Variants in ADGRG2 observed in about 807,000 individuals in gnomAD.
The protein encoded by ADGRG2 is G protein-coupled receptor 64.
A neutral mutation model predicts 74.1 loss-of-function variants in ADGRG2; 26 were observed. That is an observed-to-expected ratio of 0.35 (90% CI 0.26 to 0.49). ADGRG2 has a LOEUF of 0.49. Among genes scored for constraint, ADGRG2 ranks in the 20% least tolerant of loss-of-function variants. The pLI, the probability that ADGRG2 is intolerant of heterozygous loss-of-function variation, is 0.99. For missense variants in ADGRG2, 619 were observed against 763.1 expected (o/e 0.81, Z 2.22); for synonymous variants, 296 against 295.2 (o/e 1.00, Z -0.03).
chrX:19,028,872 T>C (rs1219508500), intron 9 of ADGRG2, among the ~76,000 whole-genome samples: 2 of 111,888 alleles, frequency 1.8e-5, no homozygotes, highest in Non-Finnish European at 3.8e-5. Context: ...ATTGAGCAGG[T>C]AGTCAATATT....
rs1345162419 is a variant in ADGRG2 at position 19,009,616 on chromosome X, T to G, written c.1422+10A>C. The G allele has an allele frequency of 1.7e-6, 2 of 1,198,052 alleles. No individual in the cohort carries two copies. Among genetic ancestry groups the G allele is most frequent in the South Asian group, 3.5e-5 (2 of 56,682 alleles). On this transcript the variant is annotated intron_variant, in intron 18 of 28. Transcript: ENST00000379869. Reference sequence around the variant, plus strand: ...GAGAATGTTTTTTTCTGCCATCAATTATGATGTACCTGAAGATTTGCAGGG... The same window carrying G: ...GAGAATGTTTTTTTCTGCCATCAATGATGATGTACCTGAAGATTTGCAGGG...
At chrX:19,108,301 C>A (rs948191214) in intron 1 of ADGRG2, among the ~76,000 whole-genome samples, 2 of 110,496 alleles carry the variant, frequency 1.8e-5, no homozygotes, top group Non-Finnish European at 3.8e-5. Context: ...TCATCATTGT[C>A]TATGGATACA....
intron 3 of ADGRG2, among the ~76,000 whole-genome samples, chrX:19,067,125 G>A (rs1602046838): frequency 9.0e-6 from 1 of 111,707 alleles, no homozygotes; most frequent in Non-Finnish European, 1.9e-5. Context: ...AAATGACTTT[G>A]TAACTTTACT....
At chrX:19,017,209 C>T (rs1320999056) in intron 15 of ADGRG2, among the ~76,000 whole-genome samples, 1 of 111,954 alleles carries the variant, frequency 8.9e-6, no homozygotes, top group Non-Finnish European at 1.9e-5. Context: ...CCAGGCCTTA[C>T]TGGATCAGAA....
At chrX:19,099,529 G>A (rs1026473799) in intron 1 of ADGRG2, among the ~76,000 whole-genome samples, 1 of 112,052 alleles carries the variant, frequency 8.9e-6, no homozygotes, top group Admixed American at 9.5e-5. Flanking sequence ...ACTGAGGCAG[G>A]GCACAGAGAG....
Position 19,109,316 on chromosome X carries a change from A to G in ADGRG2, c.-47+13126T>C, listed in dbSNP as rs777615592. Among the ~76,000 whole-genome samples, 6 of 111,971 alleles carry G rather than the reference A, an allele frequency of 5.4e-5. No individual in the cohort carries two copies. In the East Asian group the frequency reaches 1.7e-3, roughly 31 times the overall value. ...CAAATACCCCAAAAACATGTGGTAT[A>G]TTTCTGTCAAAAAGCGAATCATCTG... is the stretch of plus-strand genomic sequence containing the variant. On this transcript the variant is annotated intron_variant, in intron 1 of 28. Transcript: ENST00000379869.
chrX:19,115,606 G>A (rs960569374), intron 1 of ADGRG2, among the ~76,000 whole-genome samples: 1 of 110,963 alleles, frequency 9.0e-6, no homozygotes, highest in African/African-American at 3.3e-5. Context: ...GGCTGTGTTT[G>A]GAGAAGTTGA....
chrX:18,995,960 G>T (rs2060010849), intron 27 of ADGRG2, 91 bp downstream of exon 27: 1 of 487,368 alleles, frequency 2.1e-6, no homozygotes, highest in African/African-American at 2.4e-5. Flanking sequence ...GGAATTCACT[G>T]ATTTCTAGAT....
chrX:19,115,464 G>C (rs1050305198), intron 1 of ADGRG2, among the ~76,000 whole-genome samples: 2 of 112,084 alleles, frequency 1.8e-5, no homozygotes, highest in African/African-American at 3.2e-5. Flanking sequence ...CCTGTGGTAA[G>C]TGGGGAGTAC....
rs750972829 is a variant in ADGRG2 at position 19,095,022 on chromosome X, T to C, written c.-46-12276A>G. On this transcript the variant is annotated intron_variant, in intron 1 of 28. Transcript: ENST00000379869. ...AACTTGACAGGTTCAACGGTTCCCA[T>C]TGACAGCCTGAATGGACTCCTCTGA... Among the ~76,000 whole-genome samples the C allele has an allele frequency of 5.4e-5, 6 of 112,050 alleles. No homozygotes were observed. The South Asian group carries it at 1.5e-3, about 28-fold the overall frequency.
Position 19,028,206 on chromosome X carries a change from C to T in ADGRG2, c.391G>A (p.Asp131Asn), listed in dbSNP as rs1189130669. Reference sequence around the variant, plus strand: ...ACCTGGGGAACAGTGCTTTCTTTATCATATTGAAACATGATCTCACCTCTA... The same window carrying T: ...ACCTGGGGAACAGTGCTTTCTTTATTATATTGAAACATGATCTCACCTCTA... ...FFRGEIMFQYDKESTVPQNQH... is the reference protein window; with the variant it reads ...FFRGEIMFQYNKESTVPQNQH... The change falls in exon 10 of 29, where the codon GAT becomes AAT. Residue 131 changes from aspartate (D) to asparagine (N), a missense_variant. Around this residue, in one of 3 missense-constraint regions of ADGRG2, gnomAD observed 292 missense variants for 318.0 expected, o/e 0.92. Transcript: ENST00000379869. The T allele has an allele frequency of 1.8e-6, 2 of 1,087,466 alleles. No individual in the cohort carries two copies. Among genetic ancestry groups the T allele is most frequent in the South Asian group, 2.0e-5 (1 of 50,663 alleles). The allele number at this position is 1,087,466 out of a possible 1,213,427, so 89.6% of individuals were successfully genotyped here. A position where few individuals can be genotyped will look rare whatever the true frequency, so the allele number is the denominator to read the frequency against.
At chrX:19,049,434 T>G (rs892456984) in intron 3 of ADGRG2, among the ~76,000 whole-genome samples, 2 of 102,430 alleles carry the variant, frequency 2.0e-5, no homozygotes, top group African/African-American at 7.5e-5. Flanking sequence ...TAAGCGTTTT[T>G]TGTGTTTTTT....
chrX:19,067,900 A>C (rs952989267), intron 3 of ADGRG2, among the ~76,000 whole-genome samples: 2 of 112,342 alleles, frequency 1.8e-5, no homozygotes, highest in Non-Finnish European at 3.8e-5. Context: ...AATATCACTA[A>C]TCATTAAGAA....
chrX:19,089,074 T>C (rs1445290768), intron 1 of ADGRG2, among the ~76,000 whole-genome samples: 2 of 112,228 alleles, frequency 1.8e-5, no homozygotes, highest in African/African-American at 3.2e-5. Flanking sequence ...CTGGAAATGA[T>C]TAAGAAGTTA....
At chrX:19,053,235 A>G (rs2061353951) in intron 3 of ADGRG2, among the ~76,000 whole-genome samples, 1 of 111,278 alleles carries the variant, frequency 9.0e-6, no homozygotes, top group African/African-American at 3.3e-5. Context: ...GCCAGAGAGT[A>G]AGCTACAGGG....
At chrX:19,064,926 T>G (rs998435906) in intron 3 of ADGRG2, among the ~76,000 whole-genome samples, 1 of 111,037 alleles carries the variant, frequency 9.0e-6, no homozygotes, top group Non-Finnish European at 1.9e-5. Context: ...TAGCCATTTG[T>G]AAGGGCTTAG....
At chrX:19,011,870 T>C (rs768093479) in intron 16 of ADGRG2, among the ~76,000 whole-genome samples, 20 of 111,623 alleles carry the variant, frequency 1.8e-4, no homozygotes, top group Non-Finnish European at 3.2e-4. Flanking sequence ...AAGAATATTA[T>C]GAAAGCTGGA....
intron 18 of ADGRG2, among the ~76,000 whole-genome samples, chrX:19,008,790 T>C (rs190702354): frequency 5.3e-4 from 59 of 112,281 alleles, no homozygotes; most frequent in African/African-American, 1.7e-3. Flanking sequence ...AGGGAGACTG[T>C]AGCAGCAGAC....
At chrX:19,079,068 A>G (rs1254704101) in intron 2 of ADGRG2, among the ~76,000 whole-genome samples, 2 of 112,079 alleles carry the variant, frequency 1.8e-5, no homozygotes, top group East Asian at 5.6e-4. Context: ...AAAAAATACC[A>G]ATTACCAAGA....
Sources: allele counts gnomAD v4.1 joint callset (sites outside exome capture counted in the v4.1 genomes callset), GRCh38; gene constraint gnomAD v4.1.1; regional missense constraint gnomAD v4.1.1; transcripts MANE v1.5; gene names NCBI Gene and HGNC (gene_info 2026-07-23, HGNC 2026-07-21).